Variants in IFT172 observed in about 807,000 individuals in gnomAD.
IFT172 encodes the protein intraflagellar transport protein 172 homolog.
IFT172 carries 164 observed loss-of-function variants against 248.9 expected under a neutral mutation model. The observed-to-expected ratio is 0.66, with a 90% CI of 0.58 to 0.75. The LOEUF is 0.75. Among genes scored for constraint, IFT172 ranks in the 30% least tolerant of loss-of-function variants. The pLI is 0.00. For synonymous variants in IFT172, 729 were observed against 791.6 expected (o/e 0.92, Z 1.33); for missense variants, 1,950 against 2,192.4 (o/e 0.89, Z 2.21).
intron 16 of IFT172, among the ~76,000 whole-genome samples, chr2:27,470,223 G>C (rs1332102610): frequency 6.6e-6 from 1 of 151,536 alleles, no homozygotes; most frequent in African/African-American, 2.4e-5. Context: ...CAGCCTGGGA[G>C]ATAGTGGGAG....
rs1472246184 is a variant in IFT172 at position 27,465,193 on chromosome 2, T to TA, written c.1937+217dup. ...CCTCAGCCTCCCAAAGTGCTGGGAT[T>TA]ACAGGCATCAGCCATCACGCCTGGT... On this transcript the variant is annotated intron_variant, in intron 18 of 47. Transcript: ENST00000260570. 1.8e-5 allele frequency: 10 copies of TA among 554,756 alleles called. No homozygotes were observed. The Admixed American group carries it at 2.8e-4, about 15-fold the overall frequency. 34.4% of individuals were successfully genotyped at this position (554,756 alleles called of 1,614,324 possible).
rs553301895 is a variant in IFT172 at position 27,453,738 on chromosome 2, T to G, written c.3713A>C (p.Glu1238Ala). 94 of 1,610,584 alleles carry G rather than the reference T, an allele frequency of 5.8e-5. No individual in the cohort carries two copies. Among genetic ancestry groups the G allele is most frequent in the Non-Finnish European group, 7.5e-5 (88 of 1,179,230 alleles). Residue 1238 changes from glutamate to alanine, a missense_variant and splice_region_variant, in exon 34 of 48, where the codon GAG becomes GCG. Coordinates refer to ENST00000260570, the MANE Select transcript of IFT172 (RefSeq NM_015662.3). ...CAGAGCGTCACTCCATAATCCAGCC[T>G]CCTGCTCAGATTTCCAGGTATCAAG... is the stretch of plus-strand genomic sequence containing the variant. ...RPGLALNYYK[E>A]AGLWSDALRI...
At chr2:27,482,128 A>G (rs1353477784) in intron 7 of IFT172, among the ~76,000 whole-genome samples, 1 of 150,726 alleles carries the variant, frequency 6.6e-6, no homozygotes, top group African/African-American at 2.4e-5. Context: ...GATTCCGGGC[A>G]CGTTCCACCA....
rs201862538 is a variant in IFT172 at position 27,478,126 on chromosome 2, G to A, written c.1036C>T (p.Arg346Ter). 9.3e-6 allele frequency: 15 copies of A among 1,613,996 alleles called. No individual in the cohort carries two copies. Among genetic ancestry groups the A allele is most frequent in the South Asian group, 4.4e-5 (4 of 91,084 alleles). ...CCATAGTGTGACTTGAGCACCACTC[G>A]GGTTCCTGATGACAGGTTCTTCACA... is the stretch of plus-strand genomic sequence containing the variant. Reference protein sequence around the residue: ...VIVKNLSSGTRVVLKSHYGYE... With the variant: ...VIVKNLSSGT Residue 346 changes from arginine (R) to a stop codon, truncating the protein, a stop_gained, in exon 11 of 48, where the codon CGA becomes TGA. Transcript: ENST00000260570. LOFTEE classifies it high-confidence loss of function.
intron 20 of IFT172, 46 bp from the exon 21 acceptor site, chr2:27,461,882 G>A (rs761475127): frequency 5.6e-6 from 9 of 1,608,438 alleles, no homozygotes; most frequent in Middle Eastern, 1.7e-4. Context: ...AAAGATATGA[G>A]GATCAGAAAG....
At chr2:27,456,408 T>C (rs938454188) in intron 30 of IFT172, 103 bp downstream of exon 30, 49 of 1,442,474 alleles carry the variant, frequency 3.4e-5, no homozygotes, top group Non-Finnish European at 4.0e-5. Flanking sequence ...CACTCTATCA[T>C]GTCCTTCCAA....
Position 27,461,273 on chromosome 2 carries a change from T to C in IFT172, c.2438A>G (p.Glu813Gly). The C allele has an allele frequency of 2.5e-6, 4 of 1,614,026 alleles. No homozygotes were observed. Among genetic ancestry groups the C allele is most frequent in the Non-Finnish European group, 3.4e-6 (4 of 1,179,958 alleles). ...TAALIKGELY[E>G]RAGDLFEKIH... ...AGGAAAAGGAAGCCAGCATACCCTT[T>C]CGTAGAGTTCCCCCTTGATAAGGGC... The change falls in exon 22 of 48, where the codon GAA (glutamate) becomes GGA (glycine). Residue 813 changes from glutamate (E) to glycine (G), a missense_variant. Glu to Gly is a moderately conservative substitution (Grantham distance 98). Transcript: ENST00000260570.
chr2:27,446,212 AC>A (rs1665081589), intron 43 of IFT172, 47 bp downstream of exon 43: 1 of 1,577,034 alleles, frequency 6.3e-7, no homozygotes, highest in Non-Finnish European at 8.7e-7. Flanking sequence ...CTATTTTCCA[AC>A]CTTTAACTTC....
At chr2:27,481,648 C>T (rs1668384521) in intron 7 of IFT172, among the ~76,000 whole-genome samples, 1 of 151,588 alleles carries the variant, frequency 6.6e-6, no homozygotes, top group Non-Finnish European at 1.5e-5. Flanking sequence ...TCAAGCGATT[C>T]TCCTGTCTCA....
chr2:27,458,799 G>T lies in IFT172; in HGVS notation c.2857C>A (p.Arg953Ser). 1 of 1,614,070 alleles carries T rather than the reference G, an allele frequency of 6.2e-7. No individual in the cohort carries two copies. Among genetic ancestry groups the T allele is most frequent in the South Asian group, 1.1e-5 (1 of 91,052 alleles). ...DAIDMYTQAGRWEQAHKLAMK... is the reference protein window; with the variant it reads ...DAIDMYTQAGSWEQAHKLAMK... ...CCTACCTTGTGGGCTTGTTCCCAAC[G>T]ACCAGCCTGGGTGTACATGTCTATG... The change falls in exon 26 of 48, where the codon CGT (arginine) becomes AGT (serine). Residue 953 changes from arginine to serine, a missense_variant. Coordinates refer to ENST00000260570, the MANE Select transcript of IFT172 (RefSeq NM_015662.3).
intron 30 of IFT172, among the ~76,000 whole-genome samples, chr2:27,456,148 T>C: frequency 6.6e-6 from 1 of 151,922 alleles, no homozygotes; most frequent in Middle Eastern, 3.2e-3. Flanking sequence ...GAGGTGGAGG[T>C]TGCAGTGAGC....
At chr2:27,449,920 A>G in intron 36 of IFT172, 78 bp downstream of exon 36, 5 of 1,432,754 alleles carry the variant, frequency 3.5e-6, no homozygotes, top group Non-Finnish European at 4.9e-6. Context: ...CACCTCACAC[A>G]CCTTCCTGGG....
At position 27,454,811 on chromosome 2, in the gene IFT172, T is replaced by G. The variant is rs955276224; in HGVS notation, c.3372-151A>C. 11 of 695,858 alleles carry G rather than the reference T, an allele frequency of 1.6e-5. No homozygotes were observed. The highest frequency in any genetic ancestry group is 2.7e-5 in the East Asian group (1 of 36,930). The allele number at this position is 695,858 out of a possible 1,614,324, so 43.1% of individuals were successfully genotyped here. ...GAAGTGACAGAAAAGCGTGGAGAGA[T>G]AAAAAGGAAGACGGGCAGGCAGCCC... On this transcript the variant is annotated intron_variant, in intron 30 of 47. Transcript: ENST00000260570. This position sits in a 1 kb window ranked among gnomAD's most constrained non-coding sequence, Gnocchi z 4.2.
Position 27,449,134 on chromosome 2 carries a change from C to T in IFT172, c.4312-103G>A, listed in dbSNP as rs369539023. 269 of 1,110,614 alleles carry T rather than the reference C, an allele frequency of 2.4e-4. 2 individuals are homozygous for T. The highest frequency in any genetic ancestry group is 1.1e-3 in the African/African-American group (72 of 65,290). The allele number at this position is 1,110,614 out of a possible 1,614,324, so 68.8% of individuals were successfully genotyped here. ...ATTTGTTGAGGGGAAAAAGGGTGTA[C>T]GCAAACCTCTGACCCCAGTTTCAGA... On this transcript the variant is annotated intron_variant, in intron 39 of 47. Transcript: ENST00000260570.
rs530761463 is a variant in IFT172 at position 27,483,679 on chromosome 2, T to C, written c.403-20A>G. On this transcript the variant is annotated intron_variant, in intron 5 of 47. Coordinates refer to ENST00000260570, the MANE Select transcript of IFT172 (RefSeq NM_015662.3). ...ACGAACCTGAAAATGGAAAAATTGA[T>C]ACAAGTATGGTTAGGCTATTTTATA... The C allele has an allele frequency of 6.2e-7, 1 of 1,612,090 alleles. No homozygotes were observed. Among genetic ancestry groups the C allele is most frequent in the African/African-American group, 1.3e-5 (1 of 74,998 alleles).
At chr2:27,469,847 C>T (rs1299988471) in intron 16 of IFT172, among the ~76,000 whole-genome samples, 1 of 151,742 alleles carries the variant, frequency 6.6e-6, no homozygotes, top group Non-Finnish European at 1.5e-5. Flanking sequence ...ATAAAATAAT[C>T]ATGCCTAACT....
At position 27,461,349 on chromosome 2, in the gene IFT172, T is replaced by C; in HGVS notation, c.2362A>G (p.Thr788Ala). 1 of 1,614,140 alleles carries C rather than the reference T, an allele frequency of 6.2e-7. No homozygotes were observed. ...LPAKAARLVLTREELLANTEL... is the reference protein window; with the variant it reads ...LPAKAARLVLAREELLANTEL... ...GTGTTGGCTAGCAGTTCCTCTCGGG[T>C]CAGCACCAGCCGAGCAGCTTTGGCA... Residue 788 changes from threonine (T) to alanine (A), a missense_variant, in exon 22 of 48, where the codon ACC becomes GCC. Coordinates refer to ENST00000260570, the MANE Select transcript of IFT172 (RefSeq NM_015662.3).
rs773433922 is a variant in IFT172, at chr2:27,463,090, T to C, written c.2022+7A>G. Reference sequence around the variant, plus strand: ...CAGACAGAATGAATCAGGAGCATAATACTTGCATATTCCCGGGATACTTGA... The same window carrying C: ...CAGACAGAATGAATCAGGAGCATAACACTTGCATATTCCCGGGATACTTGA... On this transcript the variant is annotated splice_region_variant and intron_variant, in intron 19 of 47. Transcript: ENST00000260570. The C allele has an allele frequency of 3.1e-6, 5 of 1,613,600 alleles. No individual in the cohort carries two copies. The highest frequency in any genetic ancestry group is 4.2e-6 in the Non-Finnish European group (5 of 1,179,522).
At chr2:27,469,095 A>C (rs558936352) in intron 16 of IFT172, among the ~76,000 whole-genome samples, 2 of 152,284 alleles carry the variant, frequency 1.3e-5, no homozygotes, top group South Asian at 2.1e-4. Flanking sequence ...TCTTTCACTA[A>C]AGAAATTTCT....
Sources: allele counts gnomAD v4.1 joint callset (sites outside exome capture counted in the v4.1 genomes callset), GRCh38; gene constraint gnomAD v4.1.1; non-coding constraint Gnocchi (gnomAD v3.1); transcripts MANE v1.5; gene names NCBI Gene and HGNC (gene_info 2026-07-23, HGNC 2026-07-21).